Variants in ZNF544 observed in about 807,000 individuals in gnomAD.
The protein encoded by ZNF544 is zinc finger protein 544, also known as zinc finger protein AF020591.
A neutral mutation model predicts 13.5 loss-of-function variants in ZNF544; 10 were observed. The observed-to-expected ratio is 0.74, with a 90% confidence interval of 0.46 to 1.25. The LOEUF (loss-of-function observed/expected upper bound fraction) is 1.25, where lower values mean the gene tolerates loss of function less well. ZNF544 is among the 50% of genes most tolerant of loss of function. The pLI is 0.00. For missense variants in ZNF544, 896 were observed against 845.6 expected (o/e 1.06, Z -0.74); for synonymous variants, 323 against 300.5 (o/e 1.07, Z -0.77).
intron 3 of ZNF544, among the ~76,000 whole-genome samples, chr19:58,233,920 A>T (rs1202225912): frequency 6.6e-6 from 1 of 152,212 alleles, no homozygotes; most frequent in African/African-American, 2.4e-5. Context: ...AAAAGATATA[A>T]ACTTTCCCAA....
chr19:58,263,456 T>G lies in ZNF544; in HGVS notation c.*702T>G. 1.0e-6 allele frequency: 1 copy of G among 985,280 alleles called. No homozygotes were observed. 61.0% of individuals were successfully genotyped at this position (985,280 alleles called of 1,614,324 possible). On this transcript the variant is annotated 3_prime_UTR_variant, in exon 7 of 7. Transcript: ENST00000687789. ...TGCCTTGTGAGAGATTGAGACACTC[T>G]AAATAAATAATAACCAAGATGGGAA...
intron 6 of ZNF544, chr19:58,276,480 A>G (rs2051231192): frequency 1.8e-6 from 2 of 1,127,122 alleles, no homozygotes; most frequent in Non-Finnish European, 2.2e-6. Context: ...ATTTTATTTT[A>G]TTTTTGAGAT....
intron 4 of ZNF544, among the ~76,000 whole-genome samples, chr19:58,245,361 G>C (rs1031017857): frequency 6.6e-5 from 10 of 151,396 alleles, no homozygotes; most frequent in African/African-American, 2.4e-4. Flanking sequence ...GAGTACAATG[G>C]CGCGATCTCA....
At chr19:58,264,398 A>AAAT (rs1472968162), downstream of ZNF544, among the ~76,000 whole-genome samples, 18 of 151,396 alleles carry the variant, frequency 1.2e-4, no homozygotes, top group African/African-American at 4.4e-4. Context: ...AAAAAAAAAA[A>AAAT]AAAAGGACTC....
At chr19:58,259,595 C>T (rs991063939) in intron 6 of ZNF544, 2 of 152,240 alleles carry the variant, frequency 1.3e-5, no homozygotes, top group African/African-American at 4.8e-5. Flanking sequence ...TCTTTTCCTT[C>T]TCCTGTTGGT....
Position 58,256,412 on chromosome 19 carries a change from C to G in ZNF544, c.245-4439C>G, listed in dbSNP as rs182507450. Reference sequence around the variant, plus strand: ...CTAATGCTCAAAATTCTCTCGGCCTCGAGGAAGGGGCTTGATTAACTTTTA... The same window carrying G: ...CTAATGCTCAAAATTCTCTCGGCCTGGAGGAAGGGGCTTGATTAACTTTTA... On this transcript the variant is annotated intron_variant, in intron 6 of 6. Transcript: ENST00000687789. 5.6e-3 allele frequency among the ~76,000 whole-genome samples: 850 copies of G among 151,910 alleles called. 2 individuals carry two copies. The highest frequency in any genetic ancestry group is 8.9e-3 in the Non-Finnish European group (606 of 67,964).
downstream of ZNF544, among the ~76,000 whole-genome samples, chr19:58,267,867 G>T (rs904606327): frequency 2.0e-5 from 3 of 151,484 alleles, no homozygotes; most frequent in Non-Finnish European, 4.4e-5. Context: ...TGTAGTCCCA[G>T]CTACTCGGGA....
chr19:58,275,371 T>A (rs1317346213), intron 5 of ZNF544, among the ~76,000 whole-genome samples: 1 of 151,934 alleles, frequency 6.6e-6, no homozygotes, highest in Non-Finnish European at 1.5e-5. Context: ...AAAGCCAACA[T>A]CTCATTATTA....
At chr19:58,265,042 A>C (rs548646546), downstream of ZNF544, among the ~76,000 whole-genome samples, 2 of 152,266 alleles carry the variant, frequency 1.3e-5, no homozygotes, top group South Asian at 4.1e-4. Flanking sequence ...TGGACTCTGA[A>C]TATTTCAGGG....
chr19:58,240,094 G>A (rs953326424), intron 3 of ZNF544, among the ~76,000 whole-genome samples: 38 of 152,034 alleles, frequency 2.5e-4, no homozygotes, highest in African/African-American at 7.7e-4. Context: ...GATGTGTTAT[G>A]TAGGCATGGA....
intron 6 of ZNF544, chr19:58,259,461 A>G (rs2048410628): frequency 6.6e-6 from 1 of 152,182 alleles, no homozygotes; most frequent in Non-Finnish European, 1.5e-5. Flanking sequence ...GCTTAAAACA[A>G]TGCAAATTTA....
intron 5 of ZNF544, among the ~76,000 whole-genome samples, chr19:58,273,464 G>T (rs887537174): frequency 6.6e-6 from 1 of 152,134 alleles, no homozygotes; most frequent in African/African-American, 2.4e-5. Flanking sequence ...GCCAAGGTGG[G>T]CGGATCACCA....
chr19:58,260,206 G>T (rs1258377180), intron 6 of ZNF544, among the ~76,000 whole-genome samples: 1 of 152,142 alleles, frequency 6.6e-6, no homozygotes, highest in African/African-American at 2.4e-5. Flanking sequence ...CATACTTTTT[G>T]CAATGGTTAA....
rs2049278390 is a variant in ZNF544 at position 58,262,801 on chromosome 19, T to C, written c.*47T>C. 3 of 1,548,410 alleles carry C rather than the reference T, an allele frequency of 1.9e-6. No individual in the cohort carries two copies. In the Admixed American group the frequency reaches 5.8e-5, roughly 30 times the overall value. The stretch of plus-strand genomic sequence containing the variant: ...GCTTTCATCCAGAGGTCTCCCCTCA[T>C]CATGCACCAGAGGACGCATGTCGGT... On this transcript the variant is annotated 3_prime_UTR_variant, in exon 7 of 7. Transcript: ENST00000687789.
chr19:58,230,992 GA>G (rs2041093388), intron 3 of ZNF544, among the ~76,000 whole-genome samples: 1 of 152,128 alleles, frequency 6.6e-6, no homozygotes, highest in South Asian at 2.1e-4. Flanking sequence ...AGTAGGGTGT[GA>G]GAGCATGAGC....
intron 6 of ZNF544, among the ~76,000 whole-genome samples, chr19:58,252,674 C>G (rs962290566): frequency 6.6e-6 from 1 of 152,172 alleles, no homozygotes; most frequent in Non-Finnish European, 1.5e-5. Context: ...AACTAGAATT[C>G]TTATCCTTAG....
At chr19:58,268,530 C>T (rs11880102), downstream of ZNF544, among the ~76,000 whole-genome samples, 1 of 152,216 alleles carries the variant, frequency 6.6e-6, no homozygotes, top group African/African-American at 2.4e-5. Flanking sequence ...GTGCTCATCA[C>T]AGATGGAACA....
At chr19:58,238,488 C>T (rs550575987) in intron 3 of ZNF544, among the ~76,000 whole-genome samples, 7 of 152,160 alleles carry the variant, frequency 4.6e-5, no homozygotes, top group East Asian at 1.9e-4. Flanking sequence ...GCCTGGAAGA[C>T]GGGGACACAG....
intron 3 of ZNF544, among the ~76,000 whole-genome samples, chr19:58,243,217 C>T (rs2044294207): frequency 6.6e-6 from 1 of 151,994 alleles, no homozygotes; most frequent in African/African-American, 2.4e-5. Flanking sequence ...GTCATATGAG[C>T]AAAGGCAGAG....
Sources: gnomAD v4.1 joint callset for allele counts (sites outside exome capture counted in the v4.1 genomes callset) on GRCh38, gnomAD v4.1.1 for gene constraint, MANE v1.5 for transcripts, NCBI Gene and HGNC (gene_info 2026-07-23, HGNC 2026-07-21) for gene names.